MGAT4A: variants seen among roughly 807,000 people sequenced by gnomAD.
MGAT4A encodes N-acetylglucosaminyltransferase IVa.
Under a neutral mutation model 74.1 loss-of-function variants are expected in MGAT4A, and 33 were observed. The ratio of observed to expected loss-of-function variants is 0.45; its 90% confidence interval spans 0.34 to 0.60. MGAT4A has a LOEUF of 0.60. MGAT4A is among the 20% of genes least tolerant of loss of function. The pLI is 0.02. For synonymous variants in MGAT4A, 198 were observed against 210.4 expected (o/e 0.94, Z 0.51); for missense variants, 479 against 628.3 (o/e 0.76, Z 2.54).
intron 2 of MGAT4A, among the ~76,000 whole-genome samples, chr2:98,690,679 C>T (rs975213785): frequency 2.0e-5 from 3 of 151,986 alleles, no homozygotes; most frequent in African/African-American, 7.3e-5. Flanking sequence ...GATGCCAACA[C>T]CAAGATGACG....
intron 2 of MGAT4A, among the ~76,000 whole-genome samples, chr2:98,703,195 C>T (rs1271961927): frequency 2.0e-5 from 3 of 151,922 alleles, no homozygotes; most frequent in South Asian, 2.1e-4. Context: ...ATAGAGAAAA[C>T]GAAGAGACAG....
At chr2:98,700,851 A>G (rs1702346221) in intron 2 of MGAT4A, among the ~76,000 whole-genome samples, 1 of 151,430 alleles carries the variant, frequency 6.6e-6, no homozygotes, top group Non-Finnish European at 1.5e-5. Flanking sequence ...AGATCGCGCC[A>G]CTACACTCCA....
intron 4 of MGAT4A, among the ~76,000 whole-genome samples, chr2:98,671,417 G>A (rs111250640): frequency 8.5e-5 from 13 of 152,170 alleles, no homozygotes; most frequent in South Asian, 2.1e-4. Flanking sequence ...GCTTCCTACC[G>A]CTCTTAGGAT....
At chr2:98,670,380 A>G (rs1478397102) in intron 4 of MGAT4A, among the ~76,000 whole-genome samples, 1 of 152,246 alleles carries the variant, frequency 6.6e-6, no homozygotes, top group Non-Finnish European at 1.5e-5. Flanking sequence ...AAATACAGTC[A>G]TGAGATAGGT....
At chr2:98,719,825 T>G (rs1337241488) in intron 2 of MGAT4A, among the ~76,000 whole-genome samples, 1 of 152,106 alleles carries the variant, frequency 6.6e-6, no homozygotes, top group Non-Finnish European at 1.5e-5. Context: ...TTTTTTATTT[T>G]TAGTAGAGAT....
chr2:98,645,095 TC>T (rs1327203834), intron 9 of MGAT4A, among the ~76,000 whole-genome samples: 6 of 152,306 alleles, frequency 3.9e-5, no homozygotes, highest in Admixed American at 1.3e-4. Flanking sequence ...ATGAGAAAAC[TC>T]TTTGTGGTAT....
At chr2:98,705,836 G>A (rs568451273) in intron 2 of MGAT4A, among the ~76,000 whole-genome samples, 84 of 151,988 alleles carry the variant, frequency 5.5e-4, no homozygotes, top group South Asian at 1.2e-3. Context: ...CCAGCTACTC[G>A]GGGGCTGAGG....
At position 98,619,583 on chromosome 2, in the gene MGAT4A, CTGAAA is replaced by C. The variant is rs1258446754; in HGVS notation, c.*5978_*5982del. ...TTCTTAGAAAACATTACTGCCTACA[CTGAAA>C]TGAAAAGTATCAAATCTACTGGCAG... On this transcript the variant is annotated 3_prime_UTR_variant, in exon 16 of 16. Coordinates refer to ENST00000393487, the MANE Select transcript of MGAT4A (RefSeq NM_012214.3). The C allele has an allele frequency of 5.3e-5, 8 of 152,324 alleles. No individual in the cohort carries two copies. Among genetic ancestry groups the C allele is most frequent in the South Asian group, 2.1e-4 (1 of 4,832 alleles). 9.4% of individuals were successfully genotyped at this position (152,324 alleles called of 1,614,324 possible). A position where few individuals can be genotyped will look rare whatever the true frequency, so the allele number is the denominator to read the frequency against.
At chr2:98,712,511 T>G (rs779297269) in intron 2 of MGAT4A, among the ~76,000 whole-genome samples, 1 of 152,228 alleles carries the variant, frequency 6.6e-6, no homozygotes, top group African/African-American at 2.4e-5. Flanking sequence ...GTTGTACTTC[T>G]GGAGTTTGTT....
intron 2 of MGAT4A, among the ~76,000 whole-genome samples, chr2:98,714,585 A>G (rs1270879762): frequency 6.6e-6 from 1 of 152,182 alleles, no homozygotes; most frequent in Non-Finnish European, 1.5e-5. Context: ...GACTGGAAAG[A>G]TGATGCCACG....
chr2:98,676,467 T>C (rs1371490446), intron 3 of MGAT4A, among the ~76,000 whole-genome samples: 1 of 152,188 alleles, frequency 6.6e-6, no homozygotes, highest in African/African-American at 2.4e-5. Flanking sequence ...TCTATTTTAT[T>C]CCAGCAAATG....
chr2:98,660,738 A>G (rs946014568), intron 5 of MGAT4A, among the ~76,000 whole-genome samples: 2 of 152,196 alleles, frequency 1.3e-5, no homozygotes, highest in Non-Finnish European at 2.9e-5. Context: ...AGATGAATGA[A>G]AGTGGAACTT....
chr2:98,687,102 T>G (rs1319765209), intron 2 of MGAT4A, among the ~76,000 whole-genome samples: 4 of 152,232 alleles, frequency 2.6e-5, no homozygotes, highest in Admixed American at 6.5e-5. Context: ...CCTTAAGTAC[T>G]TTAAAGTTAC....
intron 5 of MGAT4A, among the ~76,000 whole-genome samples, chr2:98,660,901 A>G (rs1008647270): frequency 5.3e-5 from 8 of 152,242 alleles, no homozygotes; most frequent in African/African-American, 1.9e-4. Context: ...GGCAACAAGA[A>G]CAAAAATAGA....
Position 98,635,229 on chromosome 2 carries a change from G to A in MGAT4A, c.1461C>T (p.Phe487=), listed in dbSNP as rs1397149060. The part of the protein sequence containing the change: ...TKDKRLEDGY[F]RIGKFENGVA... ...TACTAAAGTAGATATTACCTATTCTGAAATAGCCATCTTCTAATCGTTTGT... is the reference window on the plus strand; with the variant it reads ...TACTAAAGTAGATATTACCTATTCTAAAATAGCCATCTTCTAATCGTTTGT... Residue 487 remains phenylalanine, a synonymous_variant, in exon 14 of 16, where the codon TTC becomes TTT. Coordinates refer to ENST00000393487, the MANE Select transcript of MGAT4A (RefSeq NM_012214.3). 5.6e-6 allele frequency: 9 copies of A among 1,607,418 alleles called. No individual in the cohort carries two copies. The highest frequency in any genetic ancestry group is 7.7e-6 in the Non-Finnish European group (9 of 1,175,824).
Position 98,624,967 on chromosome 2 carries a change from A to C in MGAT4A, c.*599T>G. Reference sequence around the variant, plus strand: ...TATAATCAATCTTAAATGGCAGTGCATTTGAAAAATGGCATTGGTTTGTAA... The same window carrying C: ...TATAATCAATCTTAAATGGCAGTGCCTTTGAAAAATGGCATTGGTTTGTAA... On this transcript the variant is annotated 3_prime_UTR_variant, in exon 16 of 16. Coordinates refer to ENST00000393487, the MANE Select transcript of MGAT4A (RefSeq NM_012214.3). 2 of 985,492 alleles carry C rather than the reference A, an allele frequency of 2.0e-6. No individual in the cohort carries two copies. The highest frequency in any genetic ancestry group is 2.4e-6 in the Non-Finnish European group (2 of 829,604). The allele number at this position is 985,492 out of a possible 1,614,324, so 61.0% of individuals were successfully genotyped here.
At chr2:98,666,491 G>A (rs943833764) in intron 4 of MGAT4A, among the ~76,000 whole-genome samples, 2 of 152,112 alleles carry the variant, frequency 1.3e-5, no homozygotes, top group Non-Finnish European at 2.9e-5. Context: ...CCAGGAGTTC[G>A]AGACCAGCCT....
chr2:98,677,601 C>G (rs1438646599), intron 3 of MGAT4A, among the ~76,000 whole-genome samples: 1 of 151,984 alleles, frequency 6.6e-6, no homozygotes, highest in Non-Finnish European at 1.5e-5. Flanking sequence ...TACAGGCGCA[C>G]ACCAACATGC....
At chr2:98,665,701 GGCT>G (rs1388098260) in intron 4 of MGAT4A, among the ~76,000 whole-genome samples, 1 of 152,234 alleles carries the variant, frequency 6.6e-6, no homozygotes, top group Non-Finnish European at 1.5e-5. Flanking sequence ...GTATCTTACA[GGCT>G]GCTATGTATA....
Sources: gnomAD v4.1 joint callset for allele counts (sites outside exome capture counted in the v4.1 genomes callset) on GRCh38, gnomAD v4.1.1 for gene constraint, MANE v1.5 for transcripts, NCBI Gene and HGNC (gene_info 2026-07-23, HGNC 2026-07-21) for gene names.